The following MTX2 variants were observed in gnomAD, a reference collection of about 807,000 sequenced individuals.
MTX2 encodes the protein metaxin 2, also known as metaxin-2.
In MTX2, 35 loss-of-function variants were observed where a neutral mutation model predicts 42.3. The observed-to-expected ratio is 0.83, with a 90% CI of 0.63 to 1.10. The LOEUF (loss-of-function observed/expected upper bound fraction) is 1.10, where lower values mean the gene tolerates loss of function less well. Among genes scored for constraint, MTX2 ranks in the 50% least tolerant of loss-of-function variants. The probability of loss-of-function intolerance (pLI) is 0.00; values close to 1 mark genes in which losing one functional copy is unlikely to be tolerated. For missense variants in MTX2, 307 were observed against 304.1 expected (o/e 1.01, Z -0.07); for synonymous variants, 119 against 100.9 (o/e 1.18, Z -1.08).
intron 3 of MTX2, among the ~76,000 whole-genome samples, chr2:176,320,695 CTT>C (rs34174289): frequency 1.5e-3 from 195 of 131,832 alleles, no homozygotes; most frequent in East Asian, 4.1e-3. Flanking sequence ...TTTACTTATT[CTT>C]TTTTTTTTTT....
At chr2:176,294,509 T>C in intron 1 of MTX2, among the ~76,000 whole-genome samples, 1 of 152,156 alleles carries the variant, frequency 6.6e-6, no homozygotes, top group East Asian at 1.9e-4. Context: ...ACTCCTGAGC[T>C]TTTGATCCAC....
chr2:176,291,091 A>T (rs1693318667), intron 1 of MTX2, among the ~76,000 whole-genome samples: 1 of 152,124 alleles, frequency 6.6e-6, no homozygotes, highest in Non-Finnish European at 1.5e-5. Flanking sequence ...AGAAATCATA[A>T]AGTTGTTAAT....
chr2:176,276,979 G>A (rs1034651809), intron 1 of MTX2, among the ~76,000 whole-genome samples: 3 of 149,014 alleles, frequency 2.0e-5, no homozygotes, highest in African/African-American at 4.9e-5. Context: ...CATTTATCTC[G>A]TTGTGGGCAT....
At chr2:176,298,240 C>G (rs1363915224) in intron 3 of MTX2, among the ~76,000 whole-genome samples, 1 of 151,828 alleles carries the variant, frequency 6.6e-6, no homozygotes, top group Non-Finnish European at 1.5e-5. Context: ...TGTGGACTCA[C>G]AATTATTTTC....
At chr2:176,311,906 A>T (rs1044597992) in intron 3 of MTX2, among the ~76,000 whole-genome samples, 3 of 152,100 alleles carry the variant, frequency 2.0e-5, no homozygotes, top group Non-Finnish European at 4.4e-5. Context: ...CATGGGCTGC[A>T]CCCACTGCCC....
At chr2:176,328,935 T>A in intron 7 of MTX2, 23 bp downstream of exon 7, 1 of 1,587,692 alleles carries the variant, frequency 6.3e-7, no homozygotes, top group Non-Finnish European at 8.6e-7. Context: ...GTAACATTTA[T>A]CTTAATTAAA....
intron 1 of MTX2, among the ~76,000 whole-genome samples, chr2:176,270,907 C>T (rs1316090004): frequency 2.0e-5 from 3 of 151,730 alleles, no homozygotes; most frequent in Admixed American, 6.6e-5. Flanking sequence ...CTGCTTTTAC[C>T]ATTTATGTTG....
intron 7 of MTX2, 132 bp from the exon 8 acceptor site, chr2:176,329,169 G>A (rs1030966199): frequency 5.4e-6 from 6 of 1,106,100 alleles, no homozygotes; most frequent in Middle Eastern, 6.2e-4. Flanking sequence ...TTTTTAGATT[G>A]CAGGATGTGT....
intron 4 of MTX2, among the ~76,000 whole-genome samples, chr2:176,326,241 C>G (rs1195985472): frequency 1.3e-5 from 2 of 151,692 alleles, no homozygotes; most frequent in East Asian, 3.9e-4. Context: ...GGAACATACT[C>G]TGTATTACAA....
chr2:176,325,954 C>A lies in MTX2; in HGVS notation c.209-871C>A, dbSNP rs145155361. On this transcript the variant is annotated intron_variant, in intron 4 of 9. Transcript: ENST00000249442. Reference sequence around the variant, plus strand: ...GGCCTCTGTACTTCATCCATTACCCCCAGGCTGACGGAGCCAGAGAGGAGT... The same window carrying A: ...GGCCTCTGTACTTCATCCATTACCCACAGGCTGACGGAGCCAGAGAGGAGT... Among the ~76,000 whole-genome samples, 40 of 150,618 alleles carry A rather than the reference C, an allele frequency of 2.7e-4. No homozygotes were observed. In the East Asian group the frequency reaches 7.6e-3, roughly 29 times the overall value.
At chr2:176,321,654 C>G (rs1684585477) in intron 3 of MTX2, among the ~76,000 whole-genome samples, 1 of 152,098 alleles carries the variant, frequency 6.6e-6, no homozygotes. Context: ...TTTTTACATT[C>G]TAGTCAACAG....
chr2:176,276,827 T>G (rs892643602), intron 1 of MTX2, among the ~76,000 whole-genome samples: 4 of 152,306 alleles, frequency 2.6e-5, no homozygotes, highest in African/African-American at 7.2e-5. Context: ...CACCGGTGCC[T>G]TGCCATATTT....
chr2:176,283,038 A>G (rs1032950281), intron 1 of MTX2, among the ~76,000 whole-genome samples: 6 of 152,174 alleles, frequency 3.9e-5, no homozygotes, highest in African/African-American at 1.4e-4. Flanking sequence ...CAACAAGATA[A>G]TTAATATTTC....
chr2:176,326,213 A>AT (rs1684701598), intron 4 of MTX2, among the ~76,000 whole-genome samples: 1 of 151,628 alleles, frequency 6.6e-6, no homozygotes, highest in South Asian at 2.1e-4. Context: ...ACATACTATT[A>AT]TTTTTTCCCA....
chr2:176,283,108 T>A (rs1449898626), intron 1 of MTX2, among the ~76,000 whole-genome samples: 1 of 152,166 alleles, frequency 6.6e-6, no homozygotes, highest in Non-Finnish European at 1.5e-5. Flanking sequence ...CCAACATAAC[T>A]CACACAATAA....
chr2:176,274,476 G>T (rs932778234), intron 1 of MTX2, among the ~76,000 whole-genome samples: 1 of 152,052 alleles, frequency 6.6e-6, no homozygotes, highest in South Asian at 2.1e-4. Flanking sequence ...TACTCGGATG[G>T]GTATTTAGAG....
chr2:176,312,904 T>C (rs1034413094), intron 3 of MTX2, among the ~76,000 whole-genome samples: 5 of 151,446 alleles, frequency 3.3e-5, no homozygotes, highest in African/African-American at 9.7e-5. Flanking sequence ...AAAAGTACTT[T>C]TGGTTATTTT....
intron 3 of MTX2, among the ~76,000 whole-genome samples, chr2:176,301,789 G>C (rs1684029836): frequency 6.6e-6 from 1 of 152,090 alleles, no homozygotes; most frequent in Admixed American, 6.6e-5. Flanking sequence ...TTTACATTAA[G>C]GAGTAAAAGA....
At chr2:176,274,007 T>C (rs1216615196) in intron 1 of MTX2, among the ~76,000 whole-genome samples, 1 of 152,144 alleles carries the variant, frequency 6.6e-6, no homozygotes, top group African/African-American at 2.4e-5. Context: ...TCCTTGCCCC[T>C]TGCCTGAGAT....
Sources: gnomAD v4.1 joint callset for allele counts (sites outside exome capture counted in the v4.1 genomes callset) on GRCh38, gnomAD v4.1.1 for gene constraint, MANE v1.5 for transcripts, NCBI Gene and HGNC (gene_info 2026-07-23, HGNC 2026-07-21) for gene names.